The following NEFH variants were observed in gnomAD, a reference collection of about 807,000 sequenced individuals.
NEFH encodes the protein neurofilament heavy chain, also known as neurofilament heavy polypeptide.
A neutral mutation model predicts 56.6 loss-of-function variants in NEFH; 58 were observed. The ratio of observed to expected loss-of-function variants is 1.03; its 90% CI spans 0.83 to 1.28. The LOEUF is 1.28. Among genes scored for constraint, NEFH ranks in the 50% most tolerant of loss-of-function variants. The pLI is 0.00. For missense variants in NEFH, 1,221 were observed against 1,307.6 expected (o/e 0.93, Z 1.02); for synonymous variants, 542 against 545.8 (o/e 0.99, Z 0.10).
intron 3 of NEFH, 42 bp downstream of exon 3, chr22:29,485,889 G>C (rs1220611816): frequency 1.2e-6 from 2 of 1,612,990 alleles, no homozygotes; most frequent in Non-Finnish European, 1.7e-6. Context: ...GAAAGCTTGT[G>C]TTCCTGCGAG....
rs2063017157 is a variant in NEFH, at chr22:29,482,424, AGGTTTCCTGGGAACCACGAGCG to A, written c.884-946_884-925del. The stretch of plus-strand genomic sequence containing the variant: ...TCTCCAGACCTCCACTGCCTCTGGA[AGGTTTCCTGGGAACCACGAGCG>A]GGTTGCTGGCGGGGGCCGGGGTGTG... On this transcript the variant is annotated intron_variant, in intron 1 of 3. Coordinates refer to ENST00000310624, the MANE Select transcript of NEFH (RefSeq NM_021076.4). 2.0e-5 allele frequency among the ~76,000 whole-genome samples: 3 copies of A among 152,186 alleles called. No individual in the cohort carries two copies. The South Asian group carries it at 6.2e-4, about 32-fold the overall frequency.
In NEFH at chr22:29,490,922, G is replaced by C; in HGVS notation, c.*219G>C. 2.6e-6 allele frequency: 2 copies of C among 776,326 alleles called. No individual in the cohort carries two copies. Among genetic ancestry groups the C allele is most frequent in the South Asian group, 3.4e-5 (2 of 59,184 alleles). The allele number at this position is 776,326 out of a possible 1,614,324, so 48.1% of individuals were successfully genotyped here. On this transcript the variant is annotated 3_prime_UTR_variant, in exon 4 of 4. Coordinates refer to ENST00000310624, the MANE Select transcript of NEFH (RefSeq NM_021076.4). ...GCCCCCAGGCCCTCCCCAGGCGATG[G>C]ACAATTATGATAGCTTATGTAGCTG...
intron 1 of NEFH, 29 bp downstream of exon 1, chr22:29,481,174 G>GCCCCC: frequency 8.0e-5 from 84 of 1,054,628 alleles, no homozygotes; most frequent in Non-Finnish European, 1.1e-4. Context: ...GGGGGGAGGG[G>GCCCCC]CGCCCCTGCT....
rs59371099 is a variant in NEFH, at chr22:29,489,027, G to A, written c.1387G>A (p.Glu463Lys). 128,490 of 1,614,054 alleles carry A rather than the reference G, an allele frequency of 0.08. 5,810 individuals carry two copies. The highest frequency in any genetic ancestry group is 0.09 in the Non-Finnish European group (106,189 of 1,179,952). ...ETVIVEEQTE[E>K]TQVTEEVTEE... ...TGTGATTGTGGAGGAACAGACAGAGGAGACCCAAGTGACTGAAGAAGTGAC... is the reference window on the plus strand; with the variant it reads ...TGTGATTGTGGAGGAACAGACAGAGAAGACCCAAGTGACTGAAGAAGTGAC... Residue 463 changes from glutamate to lysine, a missense_variant, in exon 4 of 4, where the codon GAG (glutamate) becomes AAG (lysine). By Grantham distance (56) the Glu-to-Lys change is moderately conservative. Coordinates refer to ENST00000310624, the MANE Select transcript of NEFH (RefSeq NM_021076.4).
At chr22:29,484,312 G>A (rs1480347737) in intron 2 of NEFH, among the ~76,000 whole-genome samples, 2 of 152,158 alleles carry the variant, frequency 1.3e-5, no homozygotes, top group South Asian at 2.1e-4. Flanking sequence ...GTCTTGGGTG[G>A]CCAGGGGAAG....
chr22:29,480,240 G>C lies in NEFH; in HGVS notation c.-23G>C, dbSNP rs1280164847. On this transcript the variant is annotated 5_prime_UTR_variant, in exon 1 of 4. Coordinates refer to ENST00000310624, the MANE Select transcript of NEFH (RefSeq NM_021076.4). The stretch of plus-strand genomic sequence containing the variant: ...GCCGCAGTGCCTCCCGCCCCGTCCC[G>C]GCCTCGCGCACCTGCTCAGGCCATG... 5.4e-6 allele frequency: 8 copies of C among 1,495,206 alleles called. No individual in the cohort carries two copies. The highest frequency in any genetic ancestry group is 7.1e-6 in the Non-Finnish European group (8 of 1,131,762). The allele number at this position is 1,495,206 out of a possible 1,614,324, so 92.6% of individuals were successfully genotyped here.
At position 29,490,036 on chromosome 22, in the gene NEFH, C is replaced by T. The variant is rs375529650; in HGVS notation, c.2396C>T (p.Ala799Val). ...GAGGAGGTCAAGTCCCCAGAGAAGG[C>T]GAAATCTCCCCTGAAGGAGGATGCC... Reference protein sequence around the residue: ...VKEEVKSPEKAKSPLKEDAKA... With the variant: ...VKEEVKSPEKVKSPLKEDAKA... The change falls in exon 4 of 4, where the codon GCG becomes GTG. Residue 799 changes from alanine (A) to valine (V), a missense_variant. This residue lies in a region of NEFH where 301 missense variants were observed against 346.6 expected (regional missense o/e 0.87). Coordinates refer to ENST00000310624, the MANE Select transcript of NEFH (RefSeq NM_021076.4). 76 of 1,613,412 alleles carry T rather than the reference C, an allele frequency of 4.7e-5. No homozygotes were observed. The highest frequency in any genetic ancestry group is 5.8e-5 in the Non-Finnish European group (68 of 1,179,852).
At position 29,487,864 on chromosome 22, in the gene NEFH, C is replaced by T. The variant is rs1426431845; in HGVS notation, c.1209-985C>T. On this transcript the variant is annotated intron_variant, in intron 3 of 3. Coordinates refer to ENST00000310624, the MANE Select transcript of NEFH (RefSeq NM_021076.4). ...CCCTCTGACGTAGGGACTCTAATGA[C>T]CCTCTTTTTCCAGTGAGGAAATTGA... Among the ~76,000 whole-genome samples, 4 of 152,188 alleles carry T rather than the reference C, an allele frequency of 2.6e-5. No homozygotes were observed. The South Asian group carries it at 6.2e-4, about 24-fold the overall frequency.
At chr22:29,481,875 C>T (rs543097699) in intron 1 of NEFH, among the ~76,000 whole-genome samples, 19 of 152,310 alleles carry the variant, frequency 1.2e-4, no homozygotes, top group African/African-American at 4.3e-4. Flanking sequence ...TGCCCTGAGG[C>T]TGTGCCCAGC....
rs527615211 is a variant in NEFH, at chr22:29,486,696, T to G, written c.1208+849T>G. Among the ~76,000 whole-genome samples the G allele has an allele frequency of 2.0e-5, 3 of 152,080 alleles. No homozygotes were observed. In the East Asian group the frequency reaches 5.8e-4, roughly 30 times the overall value. ...TGCCACCACACCCAGCTATTTTTTG[T>G]ATTTTTAGTAGAGACTGGGTCTCGC... On this transcript the variant is annotated intron_variant, in intron 3 of 3. Coordinates refer to ENST00000310624, the MANE Select transcript of NEFH (RefSeq NM_021076.4).
In NEFH at chr22:29,491,344, G is replaced by A. The variant is rs2063080683; in HGVS notation, c.*641G>A. On this transcript the variant is annotated 3_prime_UTR_variant, in exon 4 of 4. Transcript: ENST00000310624. ...GAAGGCTGGGGGCAGGGCAGGGGAG[G>A]TCTGGATGTGACACCCCAGACTGCA... The A allele has an allele frequency of 5.2e-6, 1 of 190,836 alleles. No homozygotes were observed. The highest frequency in any genetic ancestry group is 2.4e-5 in the African/African-American group (1 of 42,044). 11.8% of individuals were successfully genotyped at this position (190,836 alleles called of 1,614,324 possible).
chr22:29,483,290 A>G, intron 1 of NEFH, 85 bp from the exon 2 acceptor site: 1 of 1,310,380 alleles, frequency 7.6e-7, no homozygotes, highest in Non-Finnish European at 1.1e-6. Flanking sequence ...AAAAAAAAAA[A>G]AGAAAAAGAA....
intron 2 of NEFH, 140 bp downstream of exon 2, chr22:29,483,714 T>C (rs2063026742): frequency 1.4e-6 from 1 of 704,388 alleles, no homozygotes; most frequent in Non-Finnish European, 2.4e-6. Context: ...TTTCCAGCTG[T>C]GTGACCCTAG....
intron 1 of NEFH, among the ~76,000 whole-genome samples, chr22:29,482,560 C>T (rs1340388447): frequency 2.0e-5 from 3 of 152,232 alleles, no homozygotes; most frequent in Non-Finnish European, 4.4e-5. Context: ...TGACCTTGGA[C>T]TGTGCGCAGA....
Position 29,480,832 on chromosome 22 carries a change from G to T in NEFH, c.570G>T (p.Arg190=). Residue 190 remains arginine (R), a synonymous_variant, in exon 1 of 4, where the codon CGG becomes CGT. Transcript: ENST00000310624. The part of the protein sequence containing the change: ...HVRQRLDDEA[R]QREEAEAAAR... ...GCCAGCGCCTAGACGACGAGGCCCG[G>T]CAGCGAGAGGAGGCCGAGGCGGCGG... The T allele has an allele frequency of 7.2e-7, 1 of 1,393,052 alleles. No individual in the cohort carries two copies. The highest frequency in any genetic ancestry group is 9.2e-7 in the Non-Finnish European group (1 of 1,085,522). 86.3% of individuals were successfully genotyped at this position (1,393,052 alleles called of 1,614,324 possible).
At position 29,488,910 on chromosome 22, in the gene NEFH, G is replaced by A. The variant is rs755927079; in HGVS notation, c.1270G>A (p.Glu424Lys). 1.2e-6 allele frequency: 2 copies of A among 1,614,194 alleles called. No homozygotes were observed. Among genetic ancestry groups the A allele is most frequent in the South Asian group, 2.2e-5 (2 of 91,088 alleles). The change falls in exon 4 of 4, where the codon GAA becomes AAA. Residue 424 changes from glutamate to lysine, a missense_variant. Glu to Lys is a moderately conservative substitution (Grantham distance 56). Coordinates refer to ENST00000310624, the MANE Select transcript of NEFH (RefSeq NM_021076.4). ...GFGPIPFSLP[E>K]GLPKIPSVST... ...TGGCCCAATTCCTTTCTCGCTTCCA[G>A]AAGGACTCCCCAAAATTCCCTCTGT...
rs770925131 is a variant in NEFH at position 29,480,277 on chromosome 22, C to T, written c.15C>T (p.Gly5=). The part of the protein sequence containing the change: MMSF[G]GADALLGAPF... ...CTGCTCAGGCCATGATGAGCTTCGG[C>T]GGCGCGGACGCGCTGCTGGGCGCCC... Residue 5 remains glycine (G), a synonymous_variant, in exon 1 of 4, where the codon GGC becomes GGT. Transcript: ENST00000310624. The T allele has an allele frequency of 8.6e-6, 13 of 1,509,542 alleles. No homozygotes were observed. In the South Asian group the frequency reaches 1.2e-4, roughly 14 times the overall value. 93.5% of individuals were successfully genotyped at this position (1,509,542 alleles called of 1,614,324 possible).
chr22:29,480,921 C>T lies in NEFH; in HGVS notation c.659C>T (p.Ala220Val), dbSNP rs1287388471. The change falls in exon 1 of 4, where the codon GCG (alanine) becomes GTG (valine). Residue 220 changes from alanine to valine, a missense_variant. Ala to Val is a moderately conservative substitution (Grantham distance 64, BLOSUM62 0). This residue lies in a region of NEFH where 640 missense variants were observed against 555.5 expected (regional missense o/e 1.15). Coordinates refer to ENST00000310624, the MANE Select transcript of NEFH (RefSeq NM_021076.4). ...GCGCGCGTGGACCTGCAGAAGAAGG[C>T]GCAGGCGCTGCAGGAGGAGTGCGGC... ...EAARVDLQKK[A>V]QALQEECGYL... 1.3e-6 allele frequency: 2 copies of T among 1,517,784 alleles called. No homozygotes were observed. Among genetic ancestry groups the T allele is most frequent in the Middle Eastern group, 4.1e-4 (2 of 4,932 alleles). 94.0% of individuals were successfully genotyped at this position (1,517,784 alleles called of 1,614,324 possible).
At position 29,489,322 on chromosome 22, in the gene NEFH, C is replaced by T. The variant is rs548556825; in HGVS notation, c.1682C>T (p.Pro561Leu). ...KSPAKEEAKS[P>L]PEAKSPEKEE... ...CCAGCAAAGGAAGAGGCAAAGTCAC[C>T]GCCTGAGGCCAAGTCCCCAGAGAAG... The change falls in exon 4 of 4, where the codon CCG (proline) becomes CTG (leucine). Residue 561 changes from proline to leucine, a missense_variant. By Grantham distance (98) the Pro-to-Leu change is moderately conservative (BLOSUM62 -3). This residue lies in a region of NEFH where 243 missense variants were observed against 299.1 expected (regional missense o/e 0.81). Coordinates refer to ENST00000310624, the MANE Select transcript of NEFH (RefSeq NM_021076.4). The T allele has an allele frequency of 2.0e-5, 33 of 1,611,944 alleles. No individual in the cohort carries two copies. Among genetic ancestry groups the T allele is most frequent in the African/African-American group, 1.3e-4 (10 of 74,708 alleles).
Sources: gnomAD v4.1 joint callset for allele counts (sites outside exome capture counted in the v4.1 genomes callset) on GRCh38, gnomAD v4.1.1 for gene constraint, gnomAD v4.1.1 regional missense constraint, MANE v1.5 for transcripts, NCBI Gene and HGNC (gene_info 2026-07-23, HGNC 2026-07-21) for gene names.